The following DSCAM variants were observed in gnomAD, a reference collection of about 807,000 sequenced individuals.
The protein encoded by DSCAM is cell adhesion molecule DSCAM.
DSCAM carries 47 observed loss-of-function variants against 217.7 expected under a neutral mutation model. The ratio of observed to expected loss-of-function variants is 0.22; its 90% CI spans 0.17 to 0.28. DSCAM has a LOEUF of 0.28. Ranked by LOEUF, DSCAM falls within the 10% of genes least tolerant of loss-of-function variation. DSCAM has a pLI of 1.00. For synonymous variants in DSCAM, 1,056 were observed against 1,015.3 expected (o/e 1.04, Z -0.76); for missense variants, 2,080 against 2,618.3 (o/e 0.79, Z 4.49).
intron 2 of DSCAM, among the ~76,000 whole-genome samples, chr21:40,698,319 C>G (rs1035561993): frequency 6.6e-6 from 1 of 152,088 alleles, no homozygotes; most frequent in Non-Finnish European, 1.5e-5. Flanking sequence ...GATAAGCAAA[C>G]AGAATGTAGA....
intron 11 of DSCAM, among the ~76,000 whole-genome samples, chr21:40,247,140 A>G (rs2073236802): frequency 6.6e-6 from 1 of 152,164 alleles, no homozygotes; most frequent in Non-Finnish European, 1.5e-5. Flanking sequence ...ACCTCCAGCT[A>G]AGACCCTCCC....
chr21:40,650,423 T>C (rs543004575), intron 3 of DSCAM, among the ~76,000 whole-genome samples: 1 of 152,356 alleles, frequency 6.6e-6, no homozygotes, highest in East Asian at 1.9e-4. Context: ...TGGTTAAACA[T>C]TATTTCTGGG....
intron 3 of DSCAM, among the ~76,000 whole-genome samples, chr21:40,600,465 G>C (rs569967217): frequency 1.3e-5 from 2 of 152,202 alleles, no homozygotes; most frequent in East Asian, 1.9e-4. Context: ...ACCTCTCAAA[G>C]GCCCCACCTC....
intron 28 of DSCAM, among the ~76,000 whole-genome samples, chr21:40,060,787 A>G (rs2089105911): frequency 1.3e-5 from 2 of 152,204 alleles, no homozygotes; most frequent in African/African-American, 4.8e-5. Context: ...AATTTCTTTT[A>G]TTAGGTAGAT....
chr21:40,344,286 T>C (rs186175205), intron 6 of DSCAM, among the ~76,000 whole-genome samples: 52 of 152,338 alleles, frequency 3.4e-4, no homozygotes, highest in African/African-American at 1.2e-3. Context: ...TTTACTAATA[T>C]ATTTACCATT....
intron 3 of DSCAM, among the ~76,000 whole-genome samples, chr21:40,494,986 C>T (rs1176238077): frequency 6.6e-6 from 1 of 151,314 alleles, no homozygotes; most frequent in African/African-American, 2.4e-5. Flanking sequence ...AACTGGATAA[C>T]ATAAAAAAAC....
intron 8 of DSCAM, among the ~76,000 whole-genome samples, chr21:40,322,862 A>G (rs2074275032): frequency 6.6e-6 from 1 of 152,110 alleles, no homozygotes; most frequent in Admixed American, 6.5e-5. Flanking sequence ...GTTTAGGAAA[A>G]GGTGTTTAAG....
chr21:40,778,418 A>T (rs1015037923), intron 1 of DSCAM, among the ~76,000 whole-genome samples: 1 of 152,188 alleles, frequency 6.6e-6, no homozygotes, highest in Non-Finnish European at 1.5e-5. Context: ...GCCCAGAAGC[A>T]TGTAGGTTTT....
chr21:40,379,750 G>C (rs1601599833), intron 3 of DSCAM, among the ~76,000 whole-genome samples: 1 of 152,260 alleles, frequency 6.6e-6, no homozygotes, highest in Non-Finnish European at 1.5e-5. Flanking sequence ...TAAATTAAGT[G>C]ACTGTTTAGA....
intron 1 of DSCAM, among the ~76,000 whole-genome samples, chr21:40,759,775 A>T (rs2091312493): frequency 6.6e-6 from 1 of 151,996 alleles, no homozygotes. Flanking sequence ...CAGTCATTGC[A>T]CAGCCTGGGG....
At chr21:40,516,075 G>A (rs1239153325) in intron 3 of DSCAM, among the ~76,000 whole-genome samples, 3 of 151,940 alleles carry the variant, frequency 2.0e-5, no homozygotes, top group African/African-American at 4.8e-5. Context: ...ATTTCAGACT[G>A]ATTAAAGGAT....
chr21:40,275,312 A>C (rs2073672248), intron 11 of DSCAM, among the ~76,000 whole-genome samples: 1 of 152,192 alleles, frequency 6.6e-6, no homozygotes, highest in African/African-American at 2.4e-5. Context: ...CCTGGGCAAC[A>C]GAGTGAGCCT....
intron 1 of DSCAM, among the ~76,000 whole-genome samples, chr21:40,740,820 T>C (rs933797929): frequency 1.6e-4 from 24 of 152,332 alleles, no homozygotes; most frequent in African/African-American, 5.3e-4. Context: ...AGTTCTGAAA[T>C]ATATCTGCTG....
chr21:40,530,267 T>C (rs1202721045), intron 3 of DSCAM, among the ~76,000 whole-genome samples: 1 of 152,240 alleles, frequency 6.6e-6, no homozygotes, highest in East Asian at 1.9e-4. Flanking sequence ...ACTCCATTTA[T>C]TGTTTAAGTC....
In DSCAM at chr21:40,376,531, AGATATCGATATATCTTATATC is replaced by A. The variant is rs1569092858; in HGVS notation, c.509-7307_509-7287del. ...ATATCGATATCTATATATCTTATAT[AGATATCGATATATCTTATATC>A]GATATCTATATATCTTATATCGATA... is the stretch of plus-strand genomic sequence containing the variant. On this transcript the variant is annotated intron_variant, in intron 3 of 32. Transcript: ENST00000400454. 6.9e-4 allele frequency among the ~76,000 whole-genome samples: 50 copies of A among 72,564 alleles called. 11 individuals carry two copies. Among genetic ancestry groups the A allele is most frequent in the South Asian group, 2.2e-3 (5 of 2,282 alleles). The allele number at this position is 72,564 out of a possible 152,430, so 47.6% of individuals were successfully genotyped here.
intron 10 of DSCAM, among the ~76,000 whole-genome samples, chr21:40,292,319 A>C (rs1024802258): frequency 3.9e-5 from 6 of 151,936 alleles, no homozygotes; most frequent in African/African-American, 1.5e-4. Flanking sequence ...AACAAGCTGA[A>C]TCTGTTTTGT....
At chr21:40,166,529 C>G (rs2090596624) in intron 16 of DSCAM, among the ~76,000 whole-genome samples, 1 of 152,198 alleles carries the variant, frequency 6.6e-6, no homozygotes, top group Non-Finnish European at 1.5e-5. Context: ...GAGCTTGCTC[C>G]AGAATCAACA....
intron 3 of DSCAM, among the ~76,000 whole-genome samples, chr21:40,648,523 G>GCA (rs2089976671): frequency 6.6e-6 from 1 of 152,012 alleles, no homozygotes; most frequent in Admixed American, 6.6e-5. Context: ...ATAAGTCCTG[G>GCA]GTACATCCAC....
chr21:40,083,437 A>T (rs772307409), intron 24 of DSCAM, among the ~76,000 whole-genome samples: 1 of 152,228 alleles, frequency 6.6e-6, no homozygotes, highest in Non-Finnish European at 1.5e-5. Flanking sequence ...TCAAAACAAC[A>T]AAACAAAACA....
Sources: allele counts gnomAD v4.1 joint callset (sites outside exome capture counted in the v4.1 genomes callset), GRCh38; gene constraint gnomAD v4.1.1; transcripts MANE v1.5; gene names NCBI Gene and HGNC (gene_info 2026-07-23, HGNC 2026-07-21).